The following PDE5A variants were observed in gnomAD, a reference collection of about 807,000 sequenced individuals.
PDE5A encodes phosphodiesterase 5A.
A neutral mutation model predicts 110.2 loss-of-function variants in PDE5A; 67 were observed. That is an observed-to-expected ratio of 0.61 (90% confidence interval 0.50 to 0.75). PDE5A has a LOEUF of 0.75. Ranked by LOEUF, PDE5A falls within the 30% of genes least tolerant of loss-of-function variation. PDE5A has a pLI of 0.00. For synonymous variants in PDE5A, 328 were observed against 351.2 expected (o/e 0.93, Z 0.74); for missense variants, 862 against 1,045.1 (o/e 0.82, Z 2.42).
chr4:119,535,693 A>G (rs1386198023), intron 11 of PDE5A, among the ~76,000 whole-genome samples: 1 of 152,180 alleles, frequency 6.6e-6, no homozygotes, highest in Non-Finnish European at 1.5e-5. Flanking sequence ...GGTTAGATTT[A>G]TAATGGGATA....
chr4:119,605,619 C>CGTTA, intron 2 of PDE5A, among the ~76,000 whole-genome samples: 1 of 152,038 alleles, frequency 6.6e-6, no homozygotes, highest in Non-Finnish European at 1.5e-5. Context: ...TGCACTCCAG[C>CGTTA]CTGGATAGCA....
chr4:119,616,832 T>C (rs1247893358), intron 1 of PDE5A, among the ~76,000 whole-genome samples: 5 of 152,174 alleles, frequency 3.3e-5, no homozygotes, highest in Non-Finnish European at 7.4e-5. Context: ...GTTTATTTTA[T>C]CAAAATTACA....
chr4:119,592,150 CAAAAAA>C (rs70944895), intron 3 of PDE5A, among the ~76,000 whole-genome samples: 1 of 15,752 alleles, frequency 6.3e-5, no homozygotes, highest in African/African-American at 2.6e-4. Flanking sequence ...GACTCTGTCT[CAAAAAA>C]AAAAAAAAAA....
chr4:119,547,273 A>C (rs897602797), intron 9 of PDE5A, among the ~76,000 whole-genome samples: 2 of 151,820 alleles, frequency 1.3e-5, no homozygotes, highest in Non-Finnish European at 2.9e-5. Flanking sequence ...GTATCTTTTA[A>C]AATGTCTTTG....
intron 15 of PDE5A, among the ~76,000 whole-genome samples, chr4:119,510,281 A>T (rs1725691828): frequency 6.6e-6 from 1 of 152,146 alleles, no homozygotes; most frequent in African/African-American, 2.4e-5. Flanking sequence ...GAATCCCTGA[A>T]TTTTTTTCCA....
intron 9 of PDE5A, chr4:119,549,283 C>T (rs1048664671): frequency 2.0e-5 from 3 of 152,178 alleles, no homozygotes; most frequent in Admixed American, 6.5e-5. Context: ...CCATTTGGAG[C>T]ATTGGAATGA....
intron 11 of PDE5A, among the ~76,000 whole-genome samples, chr4:119,530,266 T>G (rs1726482502): frequency 6.6e-6 from 1 of 152,094 alleles, no homozygotes; most frequent in South Asian, 2.1e-4. Context: ...GGGCTTTAAA[T>G]TTTTGGCTCA....
rs979113659 is a variant in PDE5A at position 119,523,836 on chromosome 4, G to T, written c.1779+1713C>A. Among the ~76,000 whole-genome samples, 5 of 152,152 alleles carry T rather than the reference G, an allele frequency of 3.3e-5. No individual in the cohort carries two copies. The South Asian group carries it at 1.0e-3, about 32-fold the overall frequency. ...GAATCATTATTAGTTTCAAGAATGG[G>T]AGTACTCAGGAATGGAAAAGGATTT... On this transcript the variant is annotated intron_variant, in intron 12 of 20. Coordinates refer to ENST00000354960, the MANE Select transcript of PDE5A (RefSeq NM_001083.4).
rs184318625 is a variant in PDE5A, at chr4:119,621,268, A to G, written c.152+7252T>C. On this transcript the variant is annotated intron_variant, in intron 1 of 20. Coordinates refer to ENST00000354960, the MANE Select transcript of PDE5A (RefSeq NM_001083.4). ...TTCTTTTGGGAATGTACCCTCCCCAATGATATATCACCTTATGGGCTACGT... is the reference window on the plus strand; with the variant it reads ...TTCTTTTGGGAATGTACCCTCCCCAGTGATATATCACCTTATGGGCTACGT... Among the ~76,000 whole-genome samples, 169 of 152,290 alleles carry G rather than the reference A, an allele frequency of 1.1e-3. 1 individual carries two copies. Among genetic ancestry groups the G allele is most frequent in the African/African-American group, 4.0e-3 (166 of 41,558 alleles).
intron 3 of PDE5A, among the ~76,000 whole-genome samples, chr4:119,584,829 C>T (rs1245056036): frequency 1.3e-5 from 2 of 152,214 alleles, no homozygotes; most frequent in African/African-American, 2.4e-5. Flanking sequence ...TCCCTCTGCT[C>T]TCAGTCTGTC....
intron 9 of PDE5A, chr4:119,548,259 A>G (rs1377761359): frequency 6.6e-6 from 1 of 151,828 alleles, no homozygotes; most frequent in Non-Finnish European, 1.5e-5. Context: ...CGTGTTAGCC[A>G]AGATGGTCTC....
chr4:119,507,806 C>T, intron 15 of PDE5A, 102 bp from the exon 16 acceptor site: 1 of 724,712 alleles, frequency 1.4e-6, no homozygotes, highest in South Asian at 1.7e-5. Context: ...GCCCAGTATT[C>T]TAATGAATGT....
At chr4:119,593,361 T>C (rs1313277731) in intron 3 of PDE5A, among the ~76,000 whole-genome samples, 1 of 152,210 alleles carries the variant, frequency 6.6e-6, no homozygotes, top group East Asian at 1.9e-4. Flanking sequence ...ATAAACAAAT[T>C]GTAGTATATC....
Position 119,560,282 on chromosome 4 carries a change from A to G in PDE5A, c.1199+14T>C. On this transcript the variant is annotated intron_variant, in intron 7 of 20. Coordinates refer to ENST00000354960, the MANE Select transcript of PDE5A (RefSeq NM_001083.4). ...ATCATGTGATAAAGACAAGTAGAGA[A>G]TACGTGCTTTTACCTTGTTAATGTA... The G allele has an allele frequency of 2.7e-6, 4 of 1,472,938 alleles. No homozygotes were observed. The highest frequency in any genetic ancestry group is 3.8e-6 in the Non-Finnish European group (4 of 1,066,284). The allele number at this position is 1,472,938 out of a possible 1,614,324, so 91.2% of individuals were successfully genotyped here.
intron 2 of PDE5A, among the ~76,000 whole-genome samples, chr4:119,599,707 G>T (rs1388412453): frequency 1.0e-5 from 1 of 98,192 alleles, no homozygotes; most frequent in Admixed American, 1.2e-4. Flanking sequence ...ACTATCAAGT[G>T]TGTATACACA....
chr4:119,532,271 C>G (rs939161332), intron 11 of PDE5A, among the ~76,000 whole-genome samples: 1 of 151,966 alleles, frequency 6.6e-6, no homozygotes, highest in Non-Finnish European at 1.5e-5. Context: ...TTATTATCAC[C>G]AAGAACTAAC....
intron 2 of PDE5A, among the ~76,000 whole-genome samples, chr4:119,602,068 T>C (rs899501893): frequency 2.0e-5 from 3 of 152,176 alleles, no homozygotes; most frequent in Non-Finnish European, 4.4e-5. Context: ...ATTAATAGGA[T>C]GGGACAACTG....
chr4:119,609,707 T>C (rs1729676161), intron 1 of PDE5A, among the ~76,000 whole-genome samples: 1 of 152,154 alleles, frequency 6.6e-6, no homozygotes, highest in Admixed American at 6.5e-5. Flanking sequence ...AGAGATCCAT[T>C]GTAAATATGG....
chr4:119,593,052 C>G (rs1246748823), intron 3 of PDE5A, among the ~76,000 whole-genome samples: 1 of 152,102 alleles, frequency 6.6e-6, no homozygotes, highest in Non-Finnish European at 1.5e-5. Flanking sequence ...AGTAGAATGC[C>G]TAGAATTAAA....
Sources: allele counts gnomAD v4.1 joint callset (sites outside exome capture counted in the v4.1 genomes callset), GRCh38; gene constraint gnomAD v4.1.1; transcripts MANE v1.5; gene names NCBI Gene and HGNC (gene_info 2026-07-23, HGNC 2026-07-21).